The following CHEK1 variants were observed in gnomAD, a reference collection of about 807,000 sequenced individuals.
CHEK1 encodes serine/threonine-protein kinase Chk1.
CHEK1 carries 32 observed loss-of-function variants against 60.2 expected under a neutral mutation model. The ratio of observed to expected loss-of-function variants is 0.53; its 90% CI spans 0.40 to 0.71. The LOEUF (loss-of-function observed/expected upper bound fraction) is 0.71. CHEK1 is among the 30% of genes least tolerant of loss of function. The pLI, the probability that CHEK1 is intolerant of heterozygous loss-of-function variation, is 0.00. For missense variants in CHEK1, 399 were observed against 564.6 expected, an observed-to-expected ratio of 0.71 and a Z score of 2.97; for synonymous variants, 179 against 187.2, an observed-to-expected ratio of 0.96 and a Z score of 0.36.
At chr11:125,627,354 T>C (rs576688774) in intron 2 of CHEK1, among the ~76,000 whole-genome samples, 4 of 151,828 alleles carry the variant, frequency 2.6e-5, no homozygotes, top group Non-Finnish European at 5.9e-5. Context: ...TAGAATTATC[T>C]CAATCTATTT....
At chr11:125,671,351 G>A (rs1942198620) in intron 13 of CHEK1, among the ~76,000 whole-genome samples, 1 of 152,042 alleles carries the variant, frequency 6.6e-6, no homozygotes, top group African/African-American at 2.4e-5. Flanking sequence ...AATTCATTTA[G>A]GATTTTAGTT....
chr11:125,625,883 G>A lies in CHEK1; in HGVS notation c.-150G>A, dbSNP rs1404488857. On this transcript the variant is annotated 5_prime_UTR_variant, in exon 1 of 13. Coordinates refer to ENST00000438015, the MANE Select transcript of CHEK1 (RefSeq NM_001114122.3). ...GGAGCCGCCGACATTCAGAGGGGCA[G>A]GACACGGGAACGCGCGCTGTCTTGC... 1 of 702,684 alleles carries A rather than the reference G, an allele frequency of 1.4e-6. No individual in the cohort carries two copies. Among genetic ancestry groups the A allele is most frequent in the Admixed American group, 2.0e-5 (1 of 50,030 alleles). 43.5% of individuals were successfully genotyped at this position (702,684 alleles called of 1,614,324 possible). A position where few individuals can be genotyped will look rare whatever the true frequency, so the allele number is the denominator to read the frequency against.
chr11:125,636,371 G>A (rs1941076245), intron 7 of CHEK1, among the ~76,000 whole-genome samples: 1 of 152,032 alleles, frequency 6.6e-6, no homozygotes, highest in Non-Finnish European at 1.5e-5. Context: ...CACTTTGTTG[G>A]AGATTTTTCT....
chr11:125,669,339 C>G (rs1013987045), intron 13 of CHEK1, among the ~76,000 whole-genome samples: 1 of 152,058 alleles, frequency 6.6e-6, no homozygotes, highest in African/African-American at 2.4e-5. Context: ...TTCATTACTT[C>G]GAAGTATCTC....
At chr11:125,632,263 C>G (rs1940896309) in intron 5 of CHEK1, among the ~76,000 whole-genome samples, 1 of 152,026 alleles carries the variant, frequency 6.6e-6, no homozygotes, top group South Asian at 2.1e-4. Flanking sequence ...TATGAATATT[C>G]TTATGTTTAT....
At chr11:125,674,771 A>T (rs1190116978) in intron 13 of CHEK1, among the ~76,000 whole-genome samples, 3 of 152,232 alleles carry the variant, frequency 2.0e-5, no homozygotes, top group African/African-American at 7.2e-5. Context: ...AGGGTATTTT[A>T]AAATGCATAT....
At chr11:125,665,340 A>G (rs933263709) in intron 13 of CHEK1, among the ~76,000 whole-genome samples, 7 of 151,186 alleles carry the variant, frequency 4.6e-5, no homozygotes, top group African/African-American at 1.5e-4. Context: ...CTACCTGATC[A>G]TGGGGAAGAT....
At chr11:125,631,307 G>GA (rs1383081591) in intron 5 of CHEK1, among the ~76,000 whole-genome samples, 1 of 151,900 alleles carries the variant, frequency 6.6e-6, no homozygotes, top group African/African-American at 2.4e-5. Flanking sequence ...TTTAAAAAAA[G>GA]AAATAAAATG....
intron 11 of CHEK1, among the ~76,000 whole-genome samples, chr11:125,650,584 G>A (rs1017604435): frequency 1.3e-5 from 2 of 151,258 alleles, no homozygotes; most frequent in East Asian, 3.9e-4. Context: ...AGCCTTCCAA[G>A]TATCTGGGAC....
At chr11:125,676,065 A>C (rs1942491219) in exon 14 of CHEK1, 2 of 261,158 alleles carry the variant, frequency 7.7e-6, no homozygotes, top group Non-Finnish European at 1.5e-5. Flanking sequence ...CCACCACCAC[A>C]CCTGGCTAGG....
chr11:125,644,165 C>G lies in CHEK1; in HGVS notation c.998C>G (p.Ser333Ter), dbSNP rs764958538. 1.2e-6 allele frequency: 2 copies of G among 1,614,154 alleles called. No individual in the cohort carries two copies. Among genetic ancestry groups the G allele is most frequent in the South Asian group, 2.2e-5 (2 of 91,080 alleles). Residue 333 changes from serine (S) to a stop codon, truncating the protein, a stop_gained, in exon 10 of 13, where the codon TCA becomes TGA. Transcript: ENST00000438015. LOFTEE classifies it high-confidence loss of function. ...TGLSLWDTSP[S>*]YIDKLVQGIS... is the part of the protein sequence containing the mutation. ...CTTTCCTTATGGGATACCAGCCCCT[C>G]ATACATTGATAAATTGGTACAAGGG...
intron 13 of CHEK1, among the ~76,000 whole-genome samples, chr11:125,664,885 T>C (rs866264352): frequency 6.4e-4 from 98 of 152,240 alleles, no homozygotes; most frequent in African/African-American, 4.8e-4. Flanking sequence ...AAATGTTTTC[T>C]TCTAGTAGTT....
At chr11:125,633,392 C>A in intron 6 of CHEK1, 41 bp downstream of exon 6, 4 of 1,423,476 alleles carry the variant, frequency 2.8e-6, no homozygotes, top group South Asian at 1.6e-5. Flanking sequence ...TATAAAAAGT[C>A]AGATTAGTTA....
At chr11:125,639,293 G>A (rs540717813) in intron 8 of CHEK1, among the ~76,000 whole-genome samples, 1 of 151,786 alleles carries the variant, frequency 6.6e-6, no homozygotes, top group African/African-American at 2.4e-5. Context: ...TCTCAAGTGG[G>A]CCCTTAATGC....
In CHEK1 at chr11:125,671,503, T is replaced by C. The variant is rs1384982475; in HGVS notation, c.*28-4425T>C. The C allele has an allele frequency of 2.0e-5, 3 of 152,214 alleles. 1 individual carries two copies. Among genetic ancestry groups the C allele is most frequent in the Admixed American group, 2.0e-4 (3 of 15,284 alleles). The allele number at this position is 152,214 out of a possible 1,614,324, so 9.4% of individuals were successfully genotyped here. A position where few individuals can be genotyped will look rare whatever the true frequency, so the allele number is the denominator to read the frequency against. Reference sequence around the variant, plus strand: ...TTGCCAGTGAAGAGCTTGTTAGCAATATATTTTGGGGAAGGGGTCATGATG... The same window carrying C: ...TTGCCAGTGAAGAGCTTGTTAGCAACATATTTTGGGGAAGGGGTCATGATG... On this transcript the variant is annotated intron_variant, in intron 13 of 13. Coordinates refer to the CHEK1 transcript ENST00000428830.
chr11:125,655,403 C>T lies in CHEK1; in HGVS notation c.*83C>T. On this transcript the variant is annotated 3_prime_UTR_variant, in exon 13 of 13. Coordinates refer to ENST00000438015, the MANE Select transcript of CHEK1 (RefSeq NM_001114122.3). ...TCTTCCTAGAGAAGATTATCCTGTC[C>T]TGCAAACTGCAAATAGTAGTTCCTG... is the stretch of plus-strand genomic sequence containing the variant. 3.5e-6 allele frequency: 3 copies of T among 865,734 alleles called. No individual in the cohort carries two copies. In the South Asian group the frequency reaches 5.0e-5, roughly 15 times the overall value. 53.6% of individuals were successfully genotyped at this position (865,734 alleles called of 1,614,324 possible). A position where few individuals can be genotyped will look rare whatever the true frequency, so the allele number is the denominator to read the frequency against.
chr11:125,656,591 G>A lies in CHEK1; in HGVS notation c.*1271G>A, dbSNP rs1221495673. 4.7e-6 allele frequency: 1 copy of A among 213,278 alleles called. No homozygotes were observed. Among genetic ancestry groups the A allele is most frequent in the Non-Finnish European group, 9.5e-6 (1 of 105,590 alleles). 13.2% of individuals were successfully genotyped at this position (213,278 alleles called of 1,614,324 possible). On this transcript the variant is annotated 3_prime_UTR_variant, in exon 13 of 13. Transcript: ENST00000438015. ...AATTCTCAAATATGGGAGAAATTTT[G>A]TTCTTGAGAATTATCTGAGTCATTA...
intron 13 of CHEK1, chr11:125,672,602 A>G: frequency 6.2e-7 from 1 of 1,614,082 alleles, no homozygotes; most frequent in Non-Finnish European, 8.5e-7. Flanking sequence ...TCTAGATCTT[A>G]TTGCAGAAAG....
intron 13 of CHEK1, among the ~76,000 whole-genome samples, chr11:125,667,041 C>T (rs577379094): frequency 8.6e-5 from 13 of 151,292 alleles, no homozygotes; most frequent in African/African-American, 2.7e-4. Context: ...GTACACATGC[C>T]GGTTTATTAC....
Sources: gnomAD v4.1 joint callset for allele counts (sites outside exome capture counted in the v4.1 genomes callset) on GRCh38, gnomAD v4.1.1 for gene constraint, MANE v1.5 for transcripts, NCBI Gene and HGNC (gene_info 2026-07-23, HGNC 2026-07-21) for gene names.